Variants in PALM observed in about 807,000 individuals in gnomAD.
PALM encodes the protein paralemmin.
In PALM, 18 loss-of-function variants were observed where a neutral mutation model predicts 30.7. The ratio of observed to expected loss-of-function variants is 0.59; its 90% CI spans 0.41 to 0.87. The LOEUF is 0.87. Among genes scored for constraint, PALM ranks in the 40% least tolerant of loss-of-function variants. The pLI is 0.00. For missense variants in PALM, 529 were observed against 555.4 expected, an observed-to-expected ratio of 0.95 and a Z score of 0.48; for synonymous variants, 286 against 242.8, an observed-to-expected ratio of 1.18 and a Z score of -1.66.
chr19:739,263 A>G (rs1315735903), intron 7 of PALM, among the ~76,000 whole-genome samples: 1 of 151,132 alleles, frequency 6.6e-6, no homozygotes, highest in Non-Finnish European at 1.5e-5. Context: ...GGCTGGAAGG[A>G]GGCGTCAAGT....
intron 1 of PALM, among the ~76,000 whole-genome samples, chr19:716,411 CAA>C (rs564541436): frequency 1.8e-4 from 23 of 131,428 alleles, no homozygotes; most frequent in Admixed American, 1.6e-4. Flanking sequence ...CTCTTTCTCT[CAA>C]AAAAAAAAAA....
At chr19:738,440 C>G (rs1040487460) in intron 7 of PALM, among the ~76,000 whole-genome samples, 4 of 151,932 alleles carry the variant, frequency 2.6e-5, no homozygotes, top group East Asian at 3.9e-4. Context: ...GCAGGAGAAT[C>G]GGTTGAACCT....
intron 8 of PALM, among the ~76,000 whole-genome samples, chr19:741,889 C>T (rs1003646101): frequency 6.6e-5 from 10 of 152,072 alleles, no homozygotes; most frequent in South Asian, 2.1e-4. Context: ...CTCTGTCGCC[C>T]GGCCCGCAGT....
At position 709,962 on chromosome 19, in the gene PALM, G is replaced by C. The variant is rs887780547; in HGVS notation, c.5+811G>C. ...CCGAGCGAGGGCGCGTGGTCATTTC[G>C]GACACCGGTCCCCTCCTCCCGGTGC... On this transcript the variant is annotated intron_variant, in intron 1 of 8. Coordinates refer to ENST00000338448, the MANE Select transcript of PALM (RefSeq NM_002579.3). The surrounding 1 kb of genome is among the most constrained non-coding windows in gnomAD (Gnocchi z 4.3). Among the ~76,000 whole-genome samples, 2 of 152,092 alleles carry C rather than the reference G, an allele frequency of 1.3e-5. No homozygotes were observed. Among genetic ancestry groups the C allele is most frequent in the African/African-American group, 4.8e-5 (2 of 41,416 alleles).
In PALM at chr19:742,913, C is replaced by T. The variant is rs1435166508; in HGVS notation, c.634+2430C>T. Among the ~76,000 whole-genome samples, 3 of 152,146 alleles carry T rather than the reference C, an allele frequency of 2.0e-5. No individual in the cohort carries two copies. Among genetic ancestry groups the T allele is most frequent in the Non-Finnish European group, 1.5e-5 (1 of 68,024 alleles). ...CCTGCTTTCGAGGCCTTTGGGTGTA[C>T]ACGTAGGAGTGAACTGCTGGGTCCT... On this transcript the variant is annotated intron_variant, in intron 8 of 8. Transcript: ENST00000338448. This position sits in a 1 kb window ranked among gnomAD's most constrained non-coding sequence, Gnocchi z 5.5.
At chr19:733,598 A>G (rs1265402055) in intron 5 of PALM, among the ~76,000 whole-genome samples, 1 of 152,176 alleles carries the variant, frequency 6.6e-6, no homozygotes, top group Non-Finnish European at 1.5e-5. Flanking sequence ...GCTTGAGAGC[A>G]GGAGTGGACG....
At chr19:717,595 C>T (rs1036051212) in intron 1 of PALM, among the ~76,000 whole-genome samples, 1 of 152,166 alleles carries the variant, frequency 6.6e-6, no homozygotes, top group Non-Finnish European at 1.5e-5. Flanking sequence ...TGTAGTTACC[C>T]CCCGAGATGG....
rs377564183 is a variant in PALM at position 716,196 on chromosome 19, G to T, written c.5+7045G>T. On this transcript the variant is annotated intron_variant, in intron 1 of 8. Coordinates refer to ENST00000338448, the MANE Select transcript of PALM (RefSeq NM_002579.3). ...GGAGGCCGAGGCGGGCAGATCACCT[G>T]AGTTCAGGAGTTCGAGACCAGCCTG... is the stretch of plus-strand genomic sequence containing the variant. Among the ~76,000 whole-genome samples, 4 of 152,232 alleles carry T rather than the reference G, an allele frequency of 2.6e-5. No homozygotes were observed. In the East Asian group the frequency reaches 7.7e-4, roughly 29 times the overall value.
intron 7 of PALM, among the ~76,000 whole-genome samples, chr19:736,320 C>A (rs927227906): frequency 2.0e-5 from 3 of 152,186 alleles, no homozygotes; most frequent in African/African-American, 7.2e-5. Flanking sequence ...ACGGGCCCCA[C>A]GCATGGCGGC....
rs143395464 is a variant in PALM, at chr19:709,391, G to C, written c.5+240G>C. ...CCCACCCACCGGCGCGTGGGGACCC[G>C]GGCAGCGGCGGCTCGGGCCAGTCCA... On this transcript the variant is annotated intron_variant, in intron 1 of 8. Transcript: ENST00000338448. This position sits in a 1 kb window ranked among gnomAD's most constrained non-coding sequence, Gnocchi z 4.3. 2.0e-5 allele frequency among the ~76,000 whole-genome samples: 3 copies of C among 151,490 alleles called. No homozygotes were observed. Among genetic ancestry groups the C allele is most frequent in the Non-Finnish European group, 4.4e-5 (3 of 67,752 alleles).
rs1036438626 is a variant in PALM at position 727,034 on chromosome 19, C to T, written c.84C>T (p.Ile28=). 39 of 1,318,868 alleles carry T rather than the reference C, an allele frequency of 3.0e-5. No homozygotes were observed. In the Admixed American group the frequency reaches 3.6e-4, roughly 12 times the overall value. The allele number at this position is 1,318,868 out of a possible 1,614,324, so 81.7% of individuals were successfully genotyped here. A position where few individuals can be genotyped will look rare whatever the true frequency, so the allele number is the denominator to read the frequency against. The change falls in exon 3 of 9, where the codon ATC becomes ATT. Residue 28 remains isoleucine, a synonymous_variant. Coordinates refer to ENST00000338448, the MANE Select transcript of PALM (RefSeq NM_002579.3). ...AGAAGCGGAAGCGGCAGGCGGAGAT[C>T]GAGAACAAGCGCCGGCAGCTGGAGG... ...IAEKRKRQAE[I]ENKRRQLEDE...
intron 5 of PALM, among the ~76,000 whole-genome samples, chr19:731,804 C>T (rs2032888272): frequency 6.6e-6 from 1 of 152,200 alleles, no homozygotes; most frequent in Admixed American, 6.5e-5. Flanking sequence ...GGACTACAGG[C>T]GCCTGCCACC....
At chr19:715,107 T>C (rs1413114100) in intron 1 of PALM, among the ~76,000 whole-genome samples, 1 of 152,094 alleles carries the variant, frequency 6.6e-6, no homozygotes, top group Non-Finnish European at 1.5e-5. Context: ...CTACTAAAAA[T>C]ACAAAAATTA....
intron 1 of PALM, among the ~76,000 whole-genome samples, chr19:725,202 C>T (rs868165029): frequency 1.3e-5 from 2 of 150,914 alleles, no homozygotes; most frequent in Admixed American, 6.6e-5. Context: ...ATTTGTTAAG[C>T]GCCTACCACA....
At chr19:726,225 G>T in intron 2 of PALM, 36 bp downstream of exon 2, 1 of 1,601,456 alleles carries the variant, frequency 6.2e-7, no homozygotes, top group Non-Finnish European at 8.5e-7. Context: ...GTGTGGTCAG[G>T]GTGGGGAAGT....
Position 739,004 on chromosome 19 carries a change from C to T in PALM, c.503-1348C>T, listed in dbSNP as rs578148270. 1.2e-3 allele frequency among the ~76,000 whole-genome samples: 180 copies of T among 152,262 alleles called. 1 individual carries two copies. Among genetic ancestry groups the T allele is most frequent in the African/African-American group, 4.0e-3 (167 of 41,558 alleles). On this transcript the variant is annotated intron_variant, in intron 7 of 8. Coordinates refer to ENST00000338448, the MANE Select transcript of PALM (RefSeq NM_002579.3). ...TGGCAGCCCTGTTCAGCTCCCGCTG[C>T]GGGGCGGGGTCTCAGGGAGGTGCCT... is the stretch of plus-strand genomic sequence containing the variant.
intron 1 of PALM, among the ~76,000 whole-genome samples, chr19:720,368 G>T (rs549774950): frequency 6.9e-6 from 1 of 144,274 alleles, no homozygotes; most frequent in Admixed American, 6.8e-5. Flanking sequence ...GCGAGGGGGC[G>T]TCCAGGCCCG....
chr19:738,259 GCT>G (rs1372697971), intron 7 of PALM, among the ~76,000 whole-genome samples: 4 of 152,144 alleles, frequency 2.6e-5, no homozygotes, highest in Admixed American at 6.5e-5. Flanking sequence ...AGGCGTGGTG[GCT>G]CACCCCTGTA....
chr19:733,588 G>T (rs1217536151), intron 5 of PALM, among the ~76,000 whole-genome samples: 1 of 152,194 alleles, frequency 6.6e-6, no homozygotes, highest in East Asian at 1.9e-4. Flanking sequence ...GAGGAGGATC[G>T]CTTGAGAGCA....
Sources: allele counts gnomAD v4.1 joint callset (sites outside exome capture counted in the v4.1 genomes callset), GRCh38; gene constraint gnomAD v4.1.1; non-coding constraint Gnocchi (gnomAD v3.1); transcripts MANE v1.5; gene names NCBI Gene and HGNC (gene_info 2026-07-23, HGNC 2026-07-21).